Variants in CARS1 observed in about 807,000 individuals in gnomAD.
CARS1 encodes the protein cysteinyl-tRNA synthetase 1.
A neutral mutation model predicts 106.2 loss-of-function variants in CARS1; 48 were observed. That is an observed-to-expected ratio of 0.45 (90% CI 0.36 to 0.57). CARS1 has a LOEUF of 0.57. Ranked by LOEUF, CARS1 falls within the 20% of genes least tolerant of loss-of-function variation. The probability of loss-of-function intolerance (pLI) is 0.00; values close to 1 mark genes in which losing one functional copy is unlikely to be tolerated. For missense variants in CARS1, 968 were observed against 1,057.2 expected (o/e 0.92, Z 1.17); for synonymous variants, 409 against 403.4 (o/e 1.01, Z -0.17).
chr11:3,054,214 G>A (rs947310002), intron 1 of CARS1, among the ~76,000 whole-genome samples: 2 of 152,060 alleles, frequency 1.3e-5, no homozygotes, highest in Admixed American at 6.5e-5. Flanking sequence ...GCTGCAACTC[G>A]TTCACAAAGG....
chr11:3,036,126 G>A (rs891993293), intron 7 of CARS1, among the ~76,000 whole-genome samples: 2 of 152,230 alleles, frequency 1.3e-5, no homozygotes, highest in Non-Finnish European at 2.9e-5. Flanking sequence ...GGGGGAGAGT[G>A]TGCTGTGTCC....
chr11:3,001,155 T>A lies in CARS1; in HGVS notation c.2455A>T (p.Lys819Ter). 6.2e-7 allele frequency: 1 copy of A among 1,614,098 alleles called. No homozygotes were observed. Among genetic ancestry groups the A allele is most frequent in the Non-Finnish European group, 8.5e-7 (1 of 1,180,016 alleles). ...TTCTGGGCCATCTGCAGATATTCCT[T>A]GTAGAGCTTCTCCTGAGCCTCGAAG... ...KLFEAQEKLY[K>*]EYLQMAQNGS... is the part of the protein sequence containing the mutation. The change falls in exon 23 of 23, where the codon AAG (lysine) becomes TAG (stop). Residue 819 changes from lysine (K) to a stop codon, truncating the protein, a stop_gained. Coordinates refer to ENST00000380525, the MANE Select transcript of CARS1 (RefSeq NM_001014437.3). LOFTEE classifies it high-confidence loss of function.
In CARS1 at chr11:3,040,601, CTT is replaced by C. The variant is rs1194092657; in HGVS notation, c.455+293_455+294del. On this transcript the variant is annotated intron_variant, in intron 4 of 22. Coordinates refer to ENST00000380525, the MANE Select transcript of CARS1 (RefSeq NM_001014437.3). This position sits in a 1 kb window ranked among gnomAD's most constrained non-coding sequence, Gnocchi z 5.8. ...CGAGAGCTTGAGGGATGAGAGAAAA[CTT>C]TAAGGTATGTGAGAAAAAGTGCCCA... 1.6e-5 allele frequency: 9 copies of C among 579,138 alleles called. 1 individual carries two copies. The Admixed American group carries it at 2.0e-4, about 13-fold the overall frequency. 35.9% of individuals were successfully genotyped at this position (579,138 alleles called of 1,614,324 possible). A position where few individuals can be genotyped will look rare whatever the true frequency, so the allele number is the denominator to read the frequency against.
rs573364009 is a variant in CARS1 at position 3,000,978 on chromosome 11, C to T, written c.*136G>A. 4.0e-5 allele frequency: 39 copies of T among 977,924 alleles called. No homozygotes were observed. The highest frequency in any genetic ancestry group is 1.3e-4 in the African/African-American group (8 of 61,798). The allele number at this position is 977,924 out of a possible 1,614,324, so 60.6% of individuals were successfully genotyped here. On this transcript the variant is annotated 3_prime_UTR_variant, in exon 23 of 23. Transcript: ENST00000380525. The surrounding 1 kb of genome is among the most constrained non-coding windows in gnomAD (Gnocchi z 7.1). ...CAATGTCTCAGAGCCAACGACGACA[C>T]GAACCTACATGAACACAACTCTTAA...
intron 16 of CARS1, among the ~76,000 whole-genome samples, chr11:3,016,530 G>A (rs77109740): frequency 6.6e-6 from 1 of 152,078 alleles, no homozygotes; most frequent in African/African-American, 2.4e-5. Flanking sequence ...GCGTGGTTTT[G>A]CTTTTCAAAC....
chr11:3,006,909 C>T lies in CARS1; in HGVS notation c.2119G>A (p.Glu707Lys), dbSNP rs1436539561. The T allele has an allele frequency of 1.2e-6, 2 of 1,614,150 alleles. No homozygotes were observed. The highest frequency in any genetic ancestry group is 1.7e-6 in the Non-Finnish European group (2 of 1,180,024). Reference sequence around the variant, plus strand: ...TGGTCTTCAAACCGCACCCCAAGCTCGGGCAGGATGTTGTCCCGCAGGGCA... The same window carrying T: ...TGGTCTTCAAACCGCACCCCAAGCTTGGGCAGGATGTTGTCCCGCAGGGCA... ...SDALRDNILP[E>K]LGVRFEDHEG... is the part of the protein sequence containing the mutation. Residue 707 changes from glutamate to lysine, a missense_variant, in exon 19 of 23, where the codon GAG becomes AAG. Coordinates refer to ENST00000380525, the MANE Select transcript of CARS1 (RefSeq NM_001014437.3).
chr11:3,038,145 C>T lies in CARS1; in HGVS notation c.706G>A (p.Glu236Lys), dbSNP rs374295215. ...AGCTGCACTGCGTGCTGAATCCGTTCGAGCATCTGCTTTTTATCGGGATCC... is the reference window on the plus strand; with the variant it reads ...AGCTGCACTGCGTGCTGAATCCGTTTGAGCATCTGCTTTTTATCGGGATCC... The part of the protein sequence containing the change: ...TTDPDKKQML[E>K]RIQHAVQLAT... Residue 236 changes from glutamate to lysine, a missense_variant, in exon 7 of 23, where the codon GAA (glutamate) becomes AAA (lysine). By Grantham distance (56) the Glu-to-Lys change is moderately conservative. Coordinates refer to ENST00000380525, the MANE Select transcript of CARS1 (RefSeq NM_001014437.3). The surrounding 1 kb of genome is among the most constrained non-coding windows in gnomAD (Gnocchi z 4.0). 65 of 1,614,076 alleles carry T rather than the reference C, an allele frequency of 4.0e-5. 1 individual carries two copies. The Admixed American group carries it at 8.8e-4, about 22-fold the overall frequency.
intron 10 of CARS1, among the ~76,000 whole-genome samples, chr11:3,023,127 C>G (rs1391860367): frequency 6.6e-6 from 1 of 152,090 alleles, no homozygotes; most frequent in Non-Finnish European, 1.5e-5. Context: ...GAAAAAGACC[C>G]TAGATGGGGC....
chr11:3,037,828 C>T lies in CARS1; in HGVS notation c.801+222G>A, dbSNP rs1853873888. Among the ~76,000 whole-genome samples, 1 of 151,796 alleles carries T rather than the reference C, an allele frequency of 6.6e-6. No individual in the cohort carries two copies. The highest frequency in any genetic ancestry group is 1.5e-5 in the Non-Finnish European group (1 of 67,916). On this transcript the variant is annotated intron_variant, in intron 7 of 22. Transcript: ENST00000380525. This position sits in a 1 kb window ranked among gnomAD's most constrained non-coding sequence, Gnocchi z 5.9. ...TGGATCCCGAGTCTCCTTCCAGTGG[C>T]ACAGGCTCTGCACCCAGGAAATGGG...
intron 17 of CARS1, among the ~76,000 whole-genome samples, chr11:3,014,367 T>C (rs1565033157): frequency 6.6e-6 from 1 of 152,210 alleles, no homozygotes; most frequent in African/African-American, 2.4e-5. Flanking sequence ...CAAATGGCCA[T>C]GATGTGTGGG....
At chr11:3,002,402 G>T (rs1849474589) in intron 21 of CARS1, 139 bp downstream of exon 21, 13 of 1,476,146 alleles carry the variant, frequency 8.8e-6, no homozygotes, top group Non-Finnish European at 1.2e-5. Flanking sequence ...TTGGGTGGTG[G>T]AGGCAGAAAG....
intron 12 of CARS1, 96 bp from the exon 13 acceptor site, chr11:3,018,845 A>G (rs1049944771): frequency 6.7e-6 from 10 of 1,485,802 alleles, no homozygotes; most frequent in Admixed American, 4.5e-5. Context: ...TGCTGTCCAC[A>G]GGCAGGAGCT....
In CARS1 at chr11:3,003,302, C is replaced by G. The variant is rs923139153; in HGVS notation, c.2218-702G>C. 3.9e-5 allele frequency among the ~76,000 whole-genome samples: 6 copies of G among 152,192 alleles called. No individual in the cohort carries two copies. The South Asian group carries it at 8.3e-4, about 21-fold the overall frequency. ...GTTGAAAATCACATTTTCACCTTTC[C>G]TTTGGACAGCCTAGGTTTCAGATGC... On this transcript the variant is annotated intron_variant, in intron 20 of 22. Coordinates refer to ENST00000380525, the MANE Select transcript of CARS1 (RefSeq NM_001014437.3). The surrounding 1 kb of genome is among the most constrained non-coding windows in gnomAD (Gnocchi z 4.8).
chr11:3,023,381 AACAT>A (rs539702382), intron 10 of CARS1, among the ~76,000 whole-genome samples: 2 of 152,116 alleles, frequency 1.3e-5, no homozygotes, highest in Admixed American at 6.5e-5. Flanking sequence ...TTGTTATTCA[AACAT>A]ACATACATAC....
chr11:3,015,829 C>G lies in CARS1; in HGVS notation c.1938G>C (p.Glu646Asp). 2.5e-6 allele frequency: 4 copies of G among 1,614,146 alleles called. No individual in the cohort carries two copies. Among genetic ancestry groups the G allele is most frequent in the Non-Finnish European group, 2.5e-6 (3 of 1,180,012 alleles). ...HMLKIFGAVE[E>D]DSSLGFPVGG... ...CGACCGGGAATCCCAGGGAGCTGTC[C>G]TCTTCTACGGCCCCAAAGATCTAGG... is the stretch of plus-strand genomic sequence containing the variant. The change falls in exon 17 of 23, where the codon GAG (glutamate) becomes GAC (aspartate). Residue 646 changes from glutamate to aspartate, a missense_variant. Coordinates refer to ENST00000380525, the MANE Select transcript of CARS1 (RefSeq NM_001014437.3).
In CARS1 at chr11:3,046,298, A is replaced by C. The variant is rs1855069668; in HGVS notation, c.274+1455T>G. 6.6e-6 allele frequency among the ~76,000 whole-genome samples: 1 copy of C among 152,164 alleles called. No individual in the cohort carries two copies. Among genetic ancestry groups the C allele is most frequent in the Non-Finnish European group, 1.5e-5 (1 of 68,028 alleles). Reference sequence around the variant, plus strand: ...CCTGGACAGGCCACTGCTGAGCTGGACGTACCAGGCCCGCTTCACCCTCCC... The same window carrying C: ...CCTGGACAGGCCACTGCTGAGCTGGCCGTACCAGGCCCGCTTCACCCTCCC... On this transcript the variant is annotated intron_variant, in intron 2 of 22. Coordinates refer to ENST00000380525, the MANE Select transcript of CARS1 (RefSeq NM_001014437.3). The surrounding 1 kb of genome is among the most constrained non-coding windows in gnomAD (Gnocchi z 5.8).
chr11:3,027,591 A>G (rs944311773), intron 9 of CARS1: 2 of 183,306 alleles, frequency 1.1e-5, no homozygotes, highest in Admixed American at 1.1e-4. Flanking sequence ...ATTAGTTTGT[A>G]GCAATTACTC....
Position 3,039,972 on chromosome 11 carries a change from A to ATGTATAG in CARS1, c.456-48_456-42dup, listed in dbSNP as rs1308285085. On this transcript the variant is annotated intron_variant, in intron 4 of 22. Coordinates refer to ENST00000380525, the MANE Select transcript of CARS1 (RefSeq NM_001014437.3). This position sits in a 1 kb window ranked among gnomAD's most constrained non-coding sequence, Gnocchi z 5.6. Reference sequence around the variant, plus strand: ...AACAAACATTTCCACACCAGACGATATGTATAGCTTAACCTCCAACAACAC... The same window carrying ATGTATAG: ...AACAAACATTTCCACACCAGACGATATGTATAGTGTATAGCTTAACCTCCAACAACAC... The ATGTATAG allele has an allele frequency of 9.6e-7, 1 of 1,042,484 alleles. No homozygotes were observed. The highest frequency in any genetic ancestry group is 1.6e-5 in the African/African-American group (1 of 61,956). 64.6% of individuals were successfully genotyped at this position (1,042,484 alleles called of 1,614,324 possible).
In CARS1 at chr11:3,022,935, G is replaced by C. The variant is rs562695391; in HGVS notation, c.1154-2603C>G. Among the ~76,000 whole-genome samples, 32 of 152,300 alleles carry C rather than the reference G, an allele frequency of 2.1e-4. 1 individual carries two copies. Among genetic ancestry groups the C allele is most frequent in the African/African-American group, 7.0e-4 (29 of 41,558 alleles). On this transcript the variant is annotated intron_variant, in intron 10 of 22. Coordinates refer to ENST00000380525, the MANE Select transcript of CARS1 (RefSeq NM_001014437.3). This position sits in a 1 kb window ranked among gnomAD's most constrained non-coding sequence, Gnocchi z 4.9. ...TACACTCCTTATGACTCCCCATGGTGGGGGGAGGTTGCGGGGGTGGTCATG... is the reference window on the plus strand; with the variant it reads ...TACACTCCTTATGACTCCCCATGGTCGGGGGAGGTTGCGGGGGTGGTCATG...
Sources: allele counts gnomAD v4.1 joint callset (sites outside exome capture counted in the v4.1 genomes callset), GRCh38; gene constraint gnomAD v4.1.1; non-coding constraint Gnocchi (gnomAD v3.1); transcripts MANE v1.5; gene names NCBI Gene and HGNC (gene_info 2026-07-23, HGNC 2026-07-21).